Variants in CDKAL1 observed in about 807,000 individuals in gnomAD.
CDKAL1 encodes threonylcarbamoyladenosine tRNA methylthiotransferase.
In CDKAL1, 32 loss-of-function variants were observed where a neutral mutation model predicts 68.2. That is an observed-to-expected ratio of 0.47 (90% CI 0.35 to 0.63). The LOEUF is 0.63. Among genes scored for constraint, CDKAL1 ranks in the 30% least tolerant of loss-of-function variants. The pLI is 0.00. For missense variants in CDKAL1, 606 were observed against 696.7 expected (o/e 0.87, Z 1.47); for synonymous variants, 234 against 244.3 (o/e 0.96, Z 0.39).
chr6:21,114,567 C>T (rs1286361293), intron 13 of CDKAL1, among the ~76,000 whole-genome samples: 1 of 151,640 alleles, frequency 6.6e-6, no homozygotes, highest in African/African-American at 2.4e-5. Flanking sequence ...ACTCCTGTCT[C>T]TACAAAAGAT....
intron 11 of CDKAL1, among the ~76,000 whole-genome samples, chr6:21,043,405 TA>T (rs1468299203): frequency 1.3e-5 from 2 of 152,084 alleles, no homozygotes; most frequent in African/African-American, 4.8e-5. Context: ...CATGAACATT[TA>T]AGGTTCTTTC....
At chr6:20,588,598 G>A (rs1280143957) in intron 4 of CDKAL1, among the ~76,000 whole-genome samples, 1 of 152,042 alleles carries the variant, frequency 6.6e-6, no homozygotes, top group Admixed American at 6.6e-5. Context: ...TCCTACGTTC[G>A]GTAGCTCTAA....
chr6:21,064,188 C>T (rs1383031335), intron 11 of CDKAL1, among the ~76,000 whole-genome samples: 1 of 152,118 alleles, frequency 6.6e-6, no homozygotes, highest in Admixed American at 6.5e-5. Flanking sequence ...ACCACGCATG[C>T]AGAGACAACA....
At chr6:20,910,893 C>T (rs114418625) in intron 9 of CDKAL1, among the ~76,000 whole-genome samples, 40 of 152,332 alleles carry the variant, frequency 2.6e-4, no homozygotes, top group Non-Finnish European at 5.3e-4. Flanking sequence ...GATGCTTCTA[C>T]TGGTTAAGGA....
At chr6:20,960,829 C>T (rs1581918055) in intron 10 of CDKAL1, among the ~76,000 whole-genome samples, 1 of 152,176 alleles carries the variant, frequency 6.6e-6, no homozygotes, top group African/African-American at 2.4e-5. Flanking sequence ...CTAAGGGATG[C>T]GTTATGTTTA....
intron 4 of CDKAL1, among the ~76,000 whole-genome samples, chr6:20,611,628 T>C (rs1429392951): frequency 6.6e-6 from 1 of 152,210 alleles, no homozygotes; most frequent in Non-Finnish European, 1.5e-5. Context: ...TAATACATAA[T>C]ATGTTACATA....
intron 13 of CDKAL1, among the ~76,000 whole-genome samples, chr6:21,128,040 A>C (rs1288866442): frequency 6.6e-6 from 1 of 152,238 alleles, no homozygotes; most frequent in East Asian, 1.9e-4. Context: ...TATGTGTTAA[A>C]GCATAAACAC....
chr6:21,064,859 G>A (rs577271541), intron 11 of CDKAL1, among the ~76,000 whole-genome samples, 189 bp from the exon 12 acceptor site: 17 of 152,284 alleles, frequency 1.1e-4, no homozygotes, highest in Non-Finnish European at 1.8e-4. Context: ...GGTTTCCCTG[G>A]AAATGGCAGG....
At chr6:21,152,979 GA>G (rs1293877014) in intron 13 of CDKAL1, among the ~76,000 whole-genome samples, 1 of 152,068 alleles carries the variant, frequency 6.6e-6, no homozygotes, top group Non-Finnish European at 1.5e-5. Context: ...AAATTTTTTT[GA>G]GTCTTTTATC....
intron 4 of CDKAL1, among the ~76,000 whole-genome samples, chr6:20,625,026 C>T (rs1010860975): frequency 6.6e-6 from 1 of 152,040 alleles, no homozygotes; most frequent in African/African-American, 2.4e-5. Flanking sequence ...CCCAGAATAC[C>T]TAGCACATAT....
intron 5 of CDKAL1, among the ~76,000 whole-genome samples, chr6:20,715,399 G>A (rs1772043008): frequency 6.6e-6 from 1 of 152,164 alleles, no homozygotes; most frequent in African/African-American, 2.4e-5. Context: ...CCTTCTTAAA[G>A]ACTGAATAAT....
At chr6:21,151,525 A>G (rs1317730298) in intron 13 of CDKAL1, among the ~76,000 whole-genome samples, 1 of 152,244 alleles carries the variant, frequency 6.6e-6, no homozygotes, top group Non-Finnish European at 1.5e-5. Context: ...AAAGAACTCA[A>G]ATATCTACTA....
chr6:20,792,148 A>G (rs1424221169), intron 8 of CDKAL1, among the ~76,000 whole-genome samples: 1 of 152,222 alleles, frequency 6.6e-6, no homozygotes, highest in Non-Finnish European at 1.5e-5. Flanking sequence ...GCATCTCAGC[A>G]TGGTAGCACC....
chr6:21,021,413 A>G (rs745951515), intron 11 of CDKAL1, among the ~76,000 whole-genome samples: 2 of 152,212 alleles, frequency 1.3e-5, no homozygotes, highest in Non-Finnish European at 2.9e-5. Context: ...TCAATAAATG[A>G]TACCTAAAAA....
intron 12 of CDKAL1, among the ~76,000 whole-genome samples, chr6:21,090,061 T>G (rs1157524222): frequency 6.6e-6 from 1 of 152,248 alleles, no homozygotes; most frequent in Admixed American, 6.5e-5. Context: ...TAGTCATTAA[T>G]GAAGAAAGTT....
intron 8 of CDKAL1, among the ~76,000 whole-genome samples, chr6:20,845,234 A>G (rs1778334752): frequency 6.6e-6 from 1 of 152,184 alleles, no homozygotes; most frequent in Non-Finnish European, 1.5e-5. Context: ...CAATCGAATC[A>G]CTGAAGAAAT....
chr6:20,687,823 G>A (rs1047837652), intron 5 of CDKAL1, among the ~76,000 whole-genome samples: 3 of 152,092 alleles, frequency 2.0e-5, no homozygotes, highest in Admixed American at 6.5e-5. Context: ...ACCTTGCCCT[G>A]CTTCTTTCTC....
intron 13 of CDKAL1, among the ~76,000 whole-genome samples, chr6:21,144,414 G>A (rs1055466705): frequency 2.6e-5 from 4 of 152,074 alleles, no homozygotes; most frequent in African/African-American, 7.2e-5. Context: ...TGTGGTCAGC[G>A]GAGTGCAGTT....
At chr6:21,205,207 G>A (rs1309552965) in intron 15 of CDKAL1, among the ~76,000 whole-genome samples, 3 of 152,158 alleles carry the variant, frequency 2.0e-5, no homozygotes, top group Non-Finnish European at 4.4e-5. Flanking sequence ...TCCATTGGTG[G>A]ACATTTAGGT....
Sources: allele counts gnomAD v4.1 joint callset (sites outside exome capture counted in the v4.1 genomes callset), GRCh38; gene constraint gnomAD v4.1.1; transcripts MANE v1.5; gene names NCBI Gene and HGNC (gene_info 2026-07-23, HGNC 2026-07-21).